CYP2J2: variants seen among roughly 807,000 people sequenced by gnomAD.
CYP2J2 encodes cytochrome P450 2J2.
In CYP2J2, 41 loss-of-function variants were observed where a neutral mutation model predicts 48.8. The ratio of observed to expected loss-of-function variants is 0.84; its 90% confidence interval spans 0.66 to 1.09. The LOEUF (loss-of-function observed/expected upper bound fraction) is 1.09, where lower values mean the gene tolerates loss of function less well. Among genes scored for constraint, CYP2J2 ranks in the 50% least tolerant of loss-of-function variants. CYP2J2 has a pLI of 0.00. For synonymous variants in CYP2J2, 221 were observed against 227.1 expected, an observed-to-expected ratio of 0.97 and a Z score of 0.24; for missense variants, 644 against 617.3, an observed-to-expected ratio of 1.04 and a Z score of -0.46.
At chr1:59,935,015 C>CATATATATATATATATATATATATAT in the CYP2J2 span, among the ~76,000 whole-genome samples, 7 of 47,494 alleles carry the variant, frequency 1.5e-4, no homozygotes, top group Non-Finnish European at 2.1e-4. Context: ...TATATATATA[C>CATATATATATATATATATATATATAT]ATATATATAT....
At chr1:59,962,223 C>T in the CYP2J2 span, among the ~76,000 whole-genome samples, 1 of 152,086 alleles carries the variant, frequency 6.6e-6, no homozygotes, top group South Asian at 2.1e-4. Flanking sequence ...AAATTGCTGC[C>T]TAGGAAGTTA....
the CYP2J2 span, among the ~76,000 whole-genome samples, chr1:59,946,547 CTGTTT>C: frequency 1.3e-5 from 2 of 152,152 alleles, no homozygotes; most frequent in Non-Finnish European, 2.9e-5. Flanking sequence ...AGGTTTTTGT[CTGTTT>C]TGTTCACTGC....
Position 59,919,092 on chromosome 1 carries a change from CAGT to C in CYP2J2, c.211-2995_211-2993del, listed in dbSNP as rs543940086. 2.6e-5 allele frequency among the ~76,000 whole-genome samples: 4 copies of C among 152,238 alleles called. No homozygotes were observed. In the South Asian group the frequency reaches 8.3e-4, roughly 32 times the overall value. ...GTGTACTAATTCACACTCCTACCAG[CAGT>C]AGGTCAGAGGGTCTGTTCCCCTGAG... On this transcript the variant is annotated intron_variant, in intron 1 of 8. Transcript: ENST00000371204.
At chr1:59,930,598 A>AT (rs908305286), upstream of CYP2J2, among the ~76,000 whole-genome samples, 1 of 151,968 alleles carries the variant, frequency 6.6e-6, no homozygotes, top group East Asian at 1.9e-4. Flanking sequence ...GGGCTGTTTA[A>AT]TTTTTTACTG....
At chr1:59,963,443 T>C in the CYP2J2 span, among the ~76,000 whole-genome samples, 9 of 152,340 alleles carry the variant, frequency 5.9e-5, no homozygotes, top group South Asian at 1.0e-3. Context: ...AGAAGAATCA[T>C]ACATTTGTCA....
At chr1:59,954,072 C>T in the CYP2J2 span, among the ~76,000 whole-genome samples, 1 of 152,154 alleles carries the variant, frequency 6.6e-6, no homozygotes, top group East Asian at 1.9e-4. Context: ...TCAGTAAAAT[C>T]TTTGAGTCAG....
At chr1:59,944,039 T>C in the CYP2J2 span, among the ~76,000 whole-genome samples, 1 of 152,220 alleles carries the variant, frequency 6.6e-6, no homozygotes, top group Non-Finnish European at 1.5e-5. Flanking sequence ...TGTTGCTTGC[T>C]TGCTAGAGAT....
the CYP2J2 span, among the ~76,000 whole-genome samples, chr1:59,945,072 GA>G: frequency 6.6e-6 from 1 of 152,028 alleles, no homozygotes; most frequent in Non-Finnish European, 1.5e-5. Context: ...AATGTAGCCA[GA>G]ATTATCAAAC....
chr1:59,922,465 T>C (rs186088233), intron 1 of CYP2J2, among the ~76,000 whole-genome samples: 1 of 152,312 alleles, frequency 6.6e-6, no homozygotes, highest in Non-Finnish European at 1.5e-5. Flanking sequence ...CCATTTGTTT[T>C]ACACCCAGAA....
chr1:59,967,190 G>T, the CYP2J2 span, among the ~76,000 whole-genome samples: 2 of 152,136 alleles, frequency 1.3e-5, no homozygotes, highest in Non-Finnish European at 2.9e-5. Flanking sequence ...GAAAGCTCTT[G>T]CTCGAGGAGC....
At chr1:59,895,225 A>T (rs2102099795) in intron 8 of CYP2J2, among the ~76,000 whole-genome samples, 3 of 152,318 alleles carry the variant, frequency 2.0e-5, no homozygotes, top group East Asian at 3.9e-4. Flanking sequence ...ATGATCATGG[A>T]TTGCATTTAG....
chr1:59,933,768 AGATT>A, the CYP2J2 span, among the ~76,000 whole-genome samples: 4 of 152,216 alleles, frequency 2.6e-5, no homozygotes, highest in Non-Finnish European at 4.4e-5. Context: ...CCATGTTCAT[AGATT>A]GAAAGACTTA....
At chr1:59,932,089 A>G in the CYP2J2 span, among the ~76,000 whole-genome samples, 1 of 152,090 alleles carries the variant, frequency 6.6e-6, no homozygotes, top group African/African-American at 2.4e-5. Flanking sequence ...TTTATTTTTT[A>G]TTATATAAAA....
chr1:59,955,297 T>TATATATATCC, the CYP2J2 span, among the ~76,000 whole-genome samples: 2 of 129,374 alleles, frequency 1.5e-5, no homozygotes, highest in African/African-American at 5.3e-5. Flanking sequence ...TATATCCATA[T>TATATATATCC]ATATATATCC....
At position 59,907,947 on chromosome 1, in the gene CYP2J2, A is replaced by G. The variant is rs571474384; in HGVS notation, c.862-20T>C. ...TGTGTGCTAGAAAACACAATGTTTG[A>G]TGTTATTTATTGGTTTATTCAGAGG... is the stretch of plus-strand genomic sequence containing the variant. On this transcript the variant is annotated intron_variant, in intron 5 of 8. Coordinates refer to ENST00000371204, the MANE Select transcript of CYP2J2 (RefSeq NM_000775.4). The G allele has an allele frequency of 6.2e-7, 1 of 1,613,150 alleles. No individual in the cohort carries two copies. Among genetic ancestry groups the G allele is most frequent in the African/African-American group, 1.3e-5 (1 of 74,970 alleles).
chr1:59,906,937 A>G (rs1644369886), intron 6 of CYP2J2, among the ~76,000 whole-genome samples: 1 of 152,216 alleles, frequency 6.6e-6, no homozygotes. Context: ...GATTCACTAA[A>G]TTGATTTTAT....
the CYP2J2 span, among the ~76,000 whole-genome samples, chr1:59,940,971 G>A: frequency 6.6e-6 from 1 of 152,208 alleles, no homozygotes; most frequent in African/African-American, 2.4e-5. Context: ...AGTTACCAGA[G>A]TCTTGGAATG....
chr1:59,930,257 G>T (rs975056416), upstream of CYP2J2, among the ~76,000 whole-genome samples: 13 of 152,124 alleles, frequency 8.5e-5, no homozygotes, highest in South Asian at 1.9e-3. Flanking sequence ...ATTCTTTTGG[G>T]TGTGTTCCCA....
intron 8 of CYP2J2, among the ~76,000 whole-genome samples, chr1:59,897,604 A>G (rs1169040877): frequency 6.6e-6 from 1 of 152,144 alleles, no homozygotes; most frequent in African/African-American, 2.4e-5. Flanking sequence ...AAATGAGAGA[A>G]CTGACTTACA....
Sources: gnomAD v4.1 joint callset for allele counts (sites outside exome capture counted in the v4.1 genomes callset) on GRCh38, gnomAD v4.1.1 for gene constraint, MANE v1.5 for transcripts, NCBI Gene and HGNC (gene_info 2026-07-23, HGNC 2026-07-21) for gene names.